Variants in EP300 observed in about 807,000 individuals in gnomAD.
The protein encoded by EP300 is histone acetyltransferase p300.
Under a neutral mutation model 264.0 loss-of-function variants are expected in EP300, and 31 were observed. The observed-to-expected ratio is 0.12, with a 90% CI of 0.09 to 0.16. The LOEUF (loss-of-function observed/expected upper bound fraction) is 0.16. Ranked by LOEUF, EP300 falls within the 10% of genes least tolerant of loss-of-function variation. EP300 has a pLI of 1.00. For synonymous variants in EP300, 1,340 were observed against 1,045.4 expected, an observed-to-expected ratio of 1.28 and a Z score of -5.44; for missense variants, 2,766 against 3,052.9, an observed-to-expected ratio of 0.91 and a Z score of 2.21.
At chr22:41,146,203 C>T (rs570756092) in intron 10 of EP300, among the ~76,000 whole-genome samples, 45 of 145,538 alleles carry the variant, frequency 3.1e-4, no homozygotes, top group South Asian at 2.2e-3. Flanking sequence ...CTTGCTCCAT[C>T]GCCCAGGCTG....
chr22:41,144,029 T>C (rs2058997500), intron 10 of EP300, among the ~76,000 whole-genome samples: 1 of 152,218 alleles, frequency 6.6e-6, no homozygotes, highest in South Asian at 2.1e-4. Context: ...CGGTTGTTAA[T>C]GGAGTTGAAG....
intron 23 of EP300, among the ~76,000 whole-genome samples, chr22:41,167,517 G>T (rs1192109988): frequency 6.9e-6 from 1 of 144,666 alleles, no homozygotes; most frequent in Non-Finnish European, 1.5e-5. Flanking sequence ...AAATATTACT[G>T]CAATCTAGGC....
At chr22:41,101,080 TTTC>T (rs142161859) in intron 1 of EP300, among the ~76,000 whole-genome samples, 2,237 of 152,288 alleles carry the variant, frequency 0.015, 49 homozygotes, top group African/African-American at 0.051. Flanking sequence ...AAGCATATTC[TTTC>T]TTCTTTTTAG....
intron 4 of EP300, among the ~76,000 whole-genome samples, chr22:41,128,287 T>C (rs1287086126): frequency 3.3e-5 from 5 of 152,006 alleles, no homozygotes; most frequent in Non-Finnish European, 7.4e-5. Context: ...AAACCTCGTC[T>C]CTACAAAAAA....
At chr22:41,124,356 G>T (rs2058869022) in intron 2 of EP300, among the ~76,000 whole-genome samples, 1 of 152,212 alleles carries the variant, frequency 6.6e-6, no homozygotes, top group South Asian at 2.1e-4. Context: ...AAGGAATAGT[G>T]TGGAGTCTGG....
At chr22:41,153,506 T>A (rs1181984498) in intron 16 of EP300, among the ~76,000 whole-genome samples, 1 of 152,134 alleles carries the variant, frequency 6.6e-6, no homozygotes, top group African/African-American at 2.4e-5. Context: ...ATCCCACCGC[T>A]TTGGGAGGCC....
At chr22:41,141,547 G>GT (rs2058982313) in intron 10 of EP300, among the ~76,000 whole-genome samples, 1 of 152,162 alleles carries the variant, frequency 6.6e-6, no homozygotes, top group South Asian at 2.1e-4. Flanking sequence ...GGCTTGTGTG[G>GT]TAAGTAGCCA....
At chr22:41,168,648 A>C (rs1443536368) in intron 24 of EP300, 49 bp downstream of exon 24, 1 of 1,614,194 alleles carries the variant, frequency 6.2e-7, no homozygotes, top group East Asian at 2.2e-5. Context: ...AAAATTGCTC[A>C]TACATGGTTA....
intron 1 of EP300, among the ~76,000 whole-genome samples, chr22:41,101,221 C>T (rs1349607848): frequency 1.3e-5 from 2 of 151,890 alleles, no homozygotes; most frequent in Non-Finnish European, 2.9e-5. Flanking sequence ...ATTACAGGCA[C>T]CTGCTACCAT....
At chr22:41,150,246 G>T (rs2059036438) in intron 14 of EP300, 48 bp downstream of exon 14, 1 of 1,535,712 alleles carries the variant, frequency 6.5e-7, no homozygotes, top group African/African-American at 1.4e-5. Flanking sequence ...CTATACTGTA[G>T]TATTATATTA....
At chr22:41,156,194 G>A (rs1472783057) in intron 17 of EP300, among the ~76,000 whole-genome samples, 2 of 151,812 alleles carry the variant, frequency 1.3e-5, no homozygotes, top group African/African-American at 4.8e-5. Flanking sequence ...TGTATTTTTA[G>A]TAGAGATGGG....
Position 41,172,493 on chromosome 22 carries a change from T to C in EP300, c.4453-6T>C, listed in dbSNP as rs755372085. 4.3e-6 allele frequency: 7 copies of C among 1,609,622 alleles called. No homozygotes were observed. The highest frequency in any genetic ancestry group is 1.7e-5 in the Admixed American group (1 of 60,004). On this transcript the variant is annotated splice_polypyrimidine_tract_variant and splice_region_variant and intron_variant, in intron 27 of 30. Coordinates refer to ENST00000263253, the MANE Select transcript of EP300 (RefSeq NM_001429.4). ...AATTCCTATATGTACATGCATGTTT[T>C]CACAGGATATTTTTAAACAAGCTAC...
At chr22:41,175,031 T>C (rs1182672717) in intron 29 of EP300, among the ~76,000 whole-genome samples, 1 of 151,254 alleles carries the variant, frequency 6.6e-6, no homozygotes, top group Non-Finnish European at 1.5e-5. Context: ...GCTAGTGAAA[T>C]GGAAGGATTC....
chr22:41,167,582 GTGTATATATATATATA>G (rs1342998702), intron 23 of EP300, among the ~76,000 whole-genome samples: 463 of 21,392 alleles, frequency 0.022, 14 homozygotes, highest in Admixed American at 0.16. Flanking sequence ...GTGTGTGTGT[GTGTATATATATATATA>G]TATATATATA....
chr22:41,162,374 TG>T (rs1477990653), intron 20 of EP300, among the ~76,000 whole-genome samples: 3 of 152,166 alleles, frequency 2.0e-5, no homozygotes, highest in African/African-American at 7.2e-5. Context: ...TTGTATGTAG[TG>T]AGGCTATGAG....
chr22:41,169,282 G>A (rs568294842), intron 25 of EP300: 4 of 590,480 alleles, frequency 6.8e-6, no homozygotes, highest in Non-Finnish European at 1.2e-5. Context: ...GTATGTGCCA[G>A]GCACTGCTAG....
chr22:41,124,867 C>T (rs548731958), intron 2 of EP300, among the ~76,000 whole-genome samples: 1 of 152,228 alleles, frequency 6.6e-6, no homozygotes, highest in South Asian at 2.1e-4. Context: ...ATACCCAAGG[C>T]CCCTAAATCT....
chr22:41,117,562 C>T lies in EP300; in HGVS notation c.470C>T (p.Pro157Leu). The T allele has an allele frequency of 3.1e-6, 5 of 1,614,186 alleles. No individual in the cohort carries two copies. The highest frequency in any genetic ancestry group is 1.3e-5 in the African/African-American group (1 of 75,044). Residue 157 changes from proline to leucine, a missense_variant, in exon 2 of 31, where the codon CCA becomes CTA. By Grantham distance (98) the Pro-to-Leu change is moderately conservative (BLOSUM62 -3). Coordinates refer to ENST00000263253, the MANE Select transcript of EP300 (RefSeq NM_001429.4). ...CAGTCAACAGGTATGATGAACAGTCCAGTAAATCAGCCTGCCATGGGAATG... is the reference window on the plus strand; with the variant it reads ...CAGTCAACAGGTATGATGAACAGTCTAGTAAATCAGCCTGCCATGGGAATG... ...PTQSTGMMNS[P>L]VNQPAMGMNT...
At position 41,179,882 on chromosome 22, in the gene EP300, A is replaced by T. The variant is rs140429533; in HGVS notation, c.*926A>T. On this transcript the variant is annotated 3_prime_UTR_variant, in exon 31 of 31. Coordinates refer to ENST00000263253, the MANE Select transcript of EP300 (RefSeq NM_001429.4). ...TTCCTCCTTACCCTACCCCCCACTC[A>T]CACACACACACACACACACACACAC... The T allele has an allele frequency of 3.1e-3, 39 of 12,722 alleles. 2 individuals carry two copies. The highest frequency in any genetic ancestry group is 9.9e-3 in the African/African-American group (34 of 3,440). 0.8% of individuals were successfully genotyped at this position (12,722 alleles called of 1,614,324 possible).
Sources: allele counts gnomAD v4.1 joint callset (sites outside exome capture counted in the v4.1 genomes callset), GRCh38; gene constraint gnomAD v4.1.1; transcripts MANE v1.5; gene names NCBI Gene and HGNC (gene_info 2026-07-23, HGNC 2026-07-21).